DCLK2: variants seen among roughly 807,000 people sequenced by gnomAD.
DCLK2 encodes serine/threonine-protein kinase DCLK2.
In DCLK2, 31 loss-of-function variants were observed where a neutral mutation model predicts 78.4. The ratio of observed to expected loss-of-function variants is 0.40; its 90% CI spans 0.30 to 0.53. DCLK2 has a LOEUF of 0.53. Among genes scored for constraint, DCLK2 ranks in the 20% least tolerant of loss-of-function variants. The pLI is 0.61. For synonymous variants in DCLK2, 407 were observed against 374.9 expected (o/e 1.09, Z -0.99); for missense variants, 872 against 973.7 (o/e 0.90, Z 1.39).
At chr4:150,193,788 C>T (rs143130219) in intron 3 of DCLK2, among the ~76,000 whole-genome samples, 1 of 151,906 alleles carries the variant, frequency 6.6e-6, no homozygotes, top group Non-Finnish European at 1.5e-5. Context: ...CCTTTTGTCT[C>T]CCAGCCTGGA....
chr4:150,184,644 C>G (rs565322651), intron 2 of DCLK2, among the ~76,000 whole-genome samples: 1 of 147,918 alleles, frequency 6.8e-6, no homozygotes, highest in East Asian at 2.0e-4. Flanking sequence ...CTCTGTCGCC[C>G]AGGCTGGAGT....
chr4:150,090,683 G>C (rs1729997624), intron 1 of DCLK2, among the ~76,000 whole-genome samples: 1 of 152,070 alleles, frequency 6.6e-6, no homozygotes, highest in African/African-American at 2.4e-5. Flanking sequence ...ACTCCTCCCA[G>C]ATTTCAATGC....
chr4:150,084,799 G>A (rs1419540138), intron 1 of DCLK2, among the ~76,000 whole-genome samples: 4 of 152,178 alleles, frequency 2.6e-5, no homozygotes, highest in Non-Finnish European at 5.9e-5. Context: ...TCGTGAGGCC[G>A]AGAGGAGTTG....
chr4:150,084,706 G>A (rs1729527386), intron 1 of DCLK2, among the ~76,000 whole-genome samples: 1 of 152,144 alleles, frequency 6.6e-6, no homozygotes, highest in Non-Finnish European at 1.5e-5. Flanking sequence ...CTATGGAAAA[G>A]GATATTTTTA....
intron 1 of DCLK2, among the ~76,000 whole-genome samples, chr4:150,085,361 A>C (rs1729567025): frequency 6.6e-6 from 1 of 152,170 alleles, no homozygotes; most frequent in Admixed American, 6.5e-5. Flanking sequence ...AGTCCAAGGC[A>C]CGGCACTGGC....
intron 1 of DCLK2, 141 bp downstream of exon 1, chr4:150,079,589 G>C (rs2150124770): frequency 1.1e-6 from 1 of 883,128 alleles, no homozygotes; most frequent in Non-Finnish European, 1.6e-6. Flanking sequence ...TCTAGAGATT[G>C]GCTGGGGGTG....
chr4:150,212,045 T>G lies in DCLK2; in HGVS notation c.1056+8156T>G, dbSNP rs147348234. 1.8e-3 allele frequency among the ~76,000 whole-genome samples: 269 copies of G among 152,340 alleles called. 1 individual carries two copies. The highest frequency in any genetic ancestry group is 6.3e-3 in the African/African-American group (263 of 41,580). On this transcript the variant is annotated intron_variant, in intron 5 of 15. Transcript: ENST00000296550. ...TTAAGACTTTTAAGGCAATAGTAACTTCAGGCTTCAGAGTCACAGCACATC... is the reference window on the plus strand; with the variant it reads ...TTAAGACTTTTAAGGCAATAGTAACGTCAGGCTTCAGAGTCACAGCACATC...
chr4:150,173,425 A>G (rs544762138), intron 2 of DCLK2, among the ~76,000 whole-genome samples: 1 of 152,282 alleles, frequency 6.6e-6, no homozygotes, highest in East Asian at 1.9e-4. Context: ...GACAAAGAGC[A>G]GACAGAACTG....
intron 1 of DCLK2, among the ~76,000 whole-genome samples, chr4:150,090,110 A>G (rs1729945115): frequency 6.6e-6 from 1 of 152,234 alleles, no homozygotes; most frequent in South Asian, 2.1e-4. Flanking sequence ...TATCATCAAA[A>G]TAAACGCCCT....
At chr4:150,244,418 C>G (rs889176455) in intron 12 of DCLK2, among the ~76,000 whole-genome samples, 2 of 152,176 alleles carry the variant, frequency 1.3e-5, no homozygotes, top group East Asian at 1.9e-4. Flanking sequence ...ACAAAATGCT[C>G]CAAGTGGAAT....
chr4:150,084,856 C>T (rs1213487573), intron 1 of DCLK2, among the ~76,000 whole-genome samples: 1 of 152,128 alleles, frequency 6.6e-6, no homozygotes, highest in Non-Finnish European at 1.5e-5. Flanking sequence ...TGTATCCCTT[C>T]CTGCCCATGC....
At chr4:150,237,275 C>T (rs1264952942) in intron 10 of DCLK2, among the ~76,000 whole-genome samples, 1 of 152,034 alleles carries the variant, frequency 6.6e-6, no homozygotes, top group Non-Finnish European at 1.5e-5. Context: ...TTACATTAAA[C>T]ATAATGGGTG....
chr4:150,099,632 T>C (rs1360400605), intron 1 of DCLK2, among the ~76,000 whole-genome samples: 1 of 152,198 alleles, frequency 6.6e-6, no homozygotes, highest in Non-Finnish European at 1.5e-5. Context: ...TGTGCTGTAA[T>C]GTTGAATGCC....
chr4:150,230,816 G>A (rs1013567918), intron 8 of DCLK2, among the ~76,000 whole-genome samples: 6 of 152,036 alleles, frequency 3.9e-5, no homozygotes, highest in Non-Finnish European at 7.4e-5. Flanking sequence ...ACAGATAGGA[G>A]ACCCTGTTCT....
intron 2 of DCLK2, among the ~76,000 whole-genome samples, chr4:150,109,475 C>T (rs545804774): frequency 6.6e-6 from 1 of 152,232 alleles, no homozygotes; most frequent in African/African-American, 2.4e-5. Flanking sequence ...GCTGAGATTA[C>T]AGGCACGTGC....
At chr4:150,108,370 G>A (rs753035679) in intron 2 of DCLK2, among the ~76,000 whole-genome samples, 1 of 150,762 alleles carries the variant, frequency 6.6e-6, no homozygotes, top group Non-Finnish European at 1.5e-5. Flanking sequence ...GTGAAACCCC[G>A]TCTCTACTAA....
rs540344653 is a variant in DCLK2, at chr4:150,162,389, C to A, written c.757-30749C>A. 3.3e-5 allele frequency among the ~76,000 whole-genome samples: 5 copies of A among 152,190 alleles called. No individual in the cohort carries two copies. The South Asian group carries it at 8.3e-4, about 25-fold the overall frequency. ...TTAGGGACAGAGGAGAAACTTTAGA[C>A]CCTCTGCTCTTCAAGTATTGGGATT... On this transcript the variant is annotated intron_variant, in intron 2 of 15. Coordinates refer to ENST00000296550, the MANE Select transcript of DCLK2 (RefSeq NM_001040260.4).
chr4:150,214,854 C>T (rs554932841), intron 5 of DCLK2, among the ~76,000 whole-genome samples: 56 of 149,350 alleles, frequency 3.7e-4, no homozygotes, highest in Non-Finnish European at 7.1e-4. Flanking sequence ...CCCAGCTACT[C>T]GGGAGGCCAA....
intron 4 of DCLK2, among the ~76,000 whole-genome samples, chr4:150,200,947 A>G (rs1739403958): frequency 2.0e-5 from 3 of 152,144 alleles, no homozygotes; most frequent in Non-Finnish European, 4.4e-5. Context: ...CCTCCCGAGT[A>G]GCTGGGACTA....
Sources: gnomAD v4.1 joint callset for allele counts (sites outside exome capture counted in the v4.1 genomes callset) on GRCh38, gnomAD v4.1.1 for gene constraint, MANE v1.5 for transcripts, NCBI Gene and HGNC (gene_info 2026-07-23, HGNC 2026-07-21) for gene names.